Variants in NFIA observed in about 807,000 individuals in gnomAD.
NFIA encodes nuclear factor I A.
NFIA carries 8 observed loss-of-function variants against 62.8 expected under a neutral mutation model. The observed-to-expected ratio is 0.13, with a 90% CI of 0.07 to 0.23. The LOEUF (loss-of-function observed/expected upper bound fraction) is 0.23, where lower values mean the gene tolerates loss of function less well. NFIA is among the 10% of genes least tolerant of loss of function. The pLI is 1.00. For missense variants in NFIA, 410 were observed against 642.1 expected (o/e 0.64, Z 3.91); for synonymous variants, 235 against 238.1 (o/e 0.99, Z 0.12).
At chr1:61,151,885 C>T (rs1380520308) in intron 2 of NFIA, among the ~76,000 whole-genome samples, 5 of 152,116 alleles carry the variant, frequency 3.3e-5, no homozygotes, top group Admixed American at 3.3e-4. Flanking sequence ...AACAATGAGA[C>T]TTTTCCATTA....
At chr1:61,119,233 T>A (rs1646845308) in intron 2 of NFIA, among the ~76,000 whole-genome samples, 1 of 152,202 alleles carries the variant, frequency 6.6e-6, no homozygotes, top group Non-Finnish European at 1.5e-5. Context: ...AAACCTGGCT[T>A]ACTCAAGGCC....
intron 10 of NFIA, among the ~76,000 whole-genome samples, chr1:61,439,058 A>T (rs1667461820): frequency 6.6e-6 from 1 of 150,394 alleles, no homozygotes; most frequent in Non-Finnish European, 1.5e-5. Context: ...ATATGCGTCC[A>T]TCTAGTCCAG....
At chr1:61,188,834 T>G (rs1384682929) in intron 2 of NFIA, among the ~76,000 whole-genome samples, 1 of 152,236 alleles carries the variant, frequency 6.6e-6, no homozygotes, top group Non-Finnish European at 1.5e-5. Context: ...ATTAAAGTCA[T>G]ACTAATTGGT....
At chr1:61,203,309 TTAC>T (rs1338580123) in intron 2 of NFIA, among the ~76,000 whole-genome samples, 1 of 152,158 alleles carries the variant, frequency 6.6e-6, no homozygotes, top group African/African-American at 2.4e-5. Flanking sequence ...ATCAGTAATA[TTAC>T]TAACAGGGAG....
chr1:61,376,101 T>C (rs1377778038), intron 6 of NFIA, among the ~76,000 whole-genome samples: 1 of 152,120 alleles, frequency 6.6e-6, no homozygotes, highest in Non-Finnish European at 1.5e-5. Context: ...AAAGATATAC[T>C]CTCCAATGAG....
At position 61,239,847 on chromosome 1, in the gene NFIA, T is replaced by G. The variant is rs74090350; in HGVS notation, c.560-37673T>G. ...TTAATTGAAAGGATTTGGTATAATC[T>G]CATAAAGAAACAGGCAAATTCTGGG... is the stretch of plus-strand genomic sequence containing the variant. On this transcript the variant is annotated intron_variant, in intron 2 of 10. Transcript: ENST00000403491. Among the ~76,000 whole-genome samples the G allele has an allele frequency of 5.2e-3, 787 of 152,276 alleles. 5 individuals are homozygous for G. The highest frequency in any genetic ancestry group is 0.018 in the African/African-American group (766 of 41,582).
At chr1:61,121,812 A>T (rs1353379859) in intron 2 of NFIA, among the ~76,000 whole-genome samples, 4 of 152,206 alleles carry the variant, frequency 2.6e-5, no homozygotes. Flanking sequence ...AGCATGAAGG[A>T]CTGGGGTAGA....
At chr1:61,268,282 T>C (rs1007318007) in intron 2 of NFIA, among the ~76,000 whole-genome samples, 1 of 152,190 alleles carries the variant, frequency 6.6e-6, no homozygotes, top group African/African-American at 2.4e-5. Flanking sequence ...CTTACTCCTA[T>C]CCTTTCACAG....
At chr1:61,241,808 G>T (rs140735028) in intron 2 of NFIA, among the ~76,000 whole-genome samples, 21 of 152,234 alleles carry the variant, frequency 1.4e-4, no homozygotes, top group African/African-American at 5.1e-4. Flanking sequence ...ATGCTTGGCA[G>T]AAGACTATTC....
chr1:61,195,225 T>G (rs1651910070), intron 2 of NFIA, among the ~76,000 whole-genome samples: 1 of 152,204 alleles, frequency 6.6e-6, no homozygotes, highest in Non-Finnish European at 1.5e-5. Context: ...TTATGGAATG[T>G]TAATTTTGCT....
In NFIA at chr1:61,122,753, A is replaced by C. The variant is rs1006226208; in HGVS notation, c.559+34073A>C. ...TCTGTCTGTTCCAGATGAGCTGCTCATTTCTTTTCTTTTTTTAATTTAAAT... is the reference window on the plus strand; with the variant it reads ...TCTGTCTGTTCCAGATGAGCTGCTCCTTTCTTTTCTTTTTTTAATTTAAAT... On this transcript the variant is annotated intron_variant, in intron 2 of 10. Transcript: ENST00000403491. Among the ~76,000 whole-genome samples the C allele has an allele frequency of 3.3e-5, 5 of 152,080 alleles. No homozygotes were observed. The East Asian group carries it at 7.7e-4, about 24-fold the overall frequency.
chr1:61,343,388 A>G (rs1057132990), intron 4 of NFIA, among the ~76,000 whole-genome samples: 1 of 151,950 alleles, frequency 6.6e-6, no homozygotes, highest in Non-Finnish European at 1.5e-5. Context: ...TCCTCTCTTC[A>G]CCTCCCTTTT....
rs947162533 is a variant in NFIA, at chr1:61,384,686, A to G, written c.1075+1321A>G. 5.3e-5 allele frequency among the ~76,000 whole-genome samples: 8 copies of G among 152,288 alleles called. No individual in the cohort carries two copies. The South Asian group carries it at 1.7e-3, about 32-fold the overall frequency. On this transcript the variant is annotated intron_variant, in intron 7 of 10. Coordinates refer to ENST00000403491, the MANE Select transcript of NFIA (RefSeq NM_001134673.4). Reference sequence around the variant, plus strand: ...AGAGATATGAAGCCCTTTTAGTCAGAATATTTATGGCCTGAAGGAGATGAG... The same window carrying G: ...AGAGATATGAAGCCCTTTTAGTCAGGATATTTATGGCCTGAAGGAGATGAG...
At chr1:61,441,892 C>G (rs898218954) in intron 10 of NFIA, among the ~76,000 whole-genome samples, 9 of 151,992 alleles carry the variant, frequency 5.9e-5, no homozygotes, top group Non-Finnish European at 1.2e-4. Flanking sequence ...ACACCACCCC[C>G]CTGTTAACGT....
intron 6 of NFIA, among the ~76,000 whole-genome samples, chr1:61,360,386 G>A (rs1467498331): frequency 6.6e-6 from 1 of 152,208 alleles, no homozygotes; most frequent in Non-Finnish European, 1.5e-5. Context: ...ACTCCTGCTG[G>A]CTGTGTGATT....
At chr1:61,236,100 G>A (rs1654996862) in intron 2 of NFIA, among the ~76,000 whole-genome samples, 1 of 151,856 alleles carries the variant, frequency 6.6e-6, no homozygotes, top group South Asian at 2.1e-4. Flanking sequence ...CCTGAAATGG[G>A]CAATTCATCT....
At position 61,171,050 on chromosome 1, in the gene NFIA, C is replaced by T. The variant is rs144164432; in HGVS notation, c.559+82370C>T. Reference sequence around the variant, plus strand: ...GTGTGTTTATGTAGGCATGCCTACACGGCTGCTTGTGTTAATACTTAGTAT... The same window carrying T: ...GTGTGTTTATGTAGGCATGCCTACATGGCTGCTTGTGTTAATACTTAGTAT... On this transcript the variant is annotated intron_variant, in intron 2 of 10. Transcript: ENST00000403491. Among the ~76,000 whole-genome samples the T allele has an allele frequency of 1.7e-3, 252 of 152,242 alleles. 1 individual carries two copies. Among genetic ancestry groups the T allele is most frequent in the African/African-American group, 5.6e-3 (233 of 41,544 alleles).
chr1:61,193,785 T>A (rs1213284458), intron 2 of NFIA, among the ~76,000 whole-genome samples: 1 of 152,252 alleles, frequency 6.6e-6, no homozygotes, highest in Non-Finnish European at 1.5e-5. Flanking sequence ...TTTTTCCTTT[T>A]AACATTTTCC....
chr1:61,113,333 C>G (rs1024813317), intron 2 of NFIA, among the ~76,000 whole-genome samples: 1 of 151,952 alleles, frequency 6.6e-6, no homozygotes, highest in African/African-American at 2.4e-5. Context: ...GGGATCACAC[C>G]TGGAATCCCA....
Sources: allele counts gnomAD v4.1 joint callset (sites outside exome capture counted in the v4.1 genomes callset), GRCh38; gene constraint gnomAD v4.1.1; transcripts MANE v1.5; gene names NCBI Gene and HGNC (gene_info 2026-07-23, HGNC 2026-07-21).